The following CIT variants were observed in gnomAD, a reference collection of about 807,000 sequenced individuals.
CIT encodes the protein citron Rho-interacting kinase.
In CIT, 79 loss-of-function variants were observed where a neutral mutation model predicts 272.7. The observed-to-expected ratio is 0.29, with a 90% CI of 0.24 to 0.35. CIT has a LOEUF of 0.35. Ranked by LOEUF, CIT falls within the 10% of genes least tolerant of loss-of-function variation. CIT has a pLI of 1.00. For synonymous variants in CIT, 948 were observed against 995.6 expected (o/e 0.95, Z 0.90); for missense variants, 1,909 against 2,618.3 (o/e 0.73, Z 5.91).
At chr12:119,862,522 G>C (rs1950371729) in intron 3 of CIT, among the ~76,000 whole-genome samples, 1 of 151,804 alleles carries the variant, frequency 6.6e-6, no homozygotes, top group African/African-American at 2.4e-5. Context: ...ATACTATTAA[G>C]AGGTAGGACT....
At chr12:119,856,122 C>G (rs1225465012) in intron 4 of CIT, among the ~76,000 whole-genome samples, 2 of 152,198 alleles carry the variant, frequency 1.3e-5, no homozygotes, top group African/African-American at 4.8e-5. Context: ...CAGCTTCCTG[C>G]CCTCCGCTGC....
chr12:119,727,838 G>A (rs759595316), intron 28 of CIT, among the ~76,000 whole-genome samples: 36 of 151,930 alleles, frequency 2.4e-4, no homozygotes, highest in Non-Finnish European at 3.7e-4. Context: ...GCTGAGGTGG[G>A]AGGATGACCT....
chr12:119,802,662 A>C (rs1208665637), intron 10 of CIT, among the ~76,000 whole-genome samples: 1 of 152,126 alleles, frequency 6.6e-6, no homozygotes, highest in Non-Finnish European at 1.5e-5. Flanking sequence ...CTGATCTTGC[A>C]GCATACTTGG....
chr12:119,784,752 T>C lies in CIT; in HGVS notation c.1401+208A>G, dbSNP rs1964612187. The C allele has an allele frequency of 7.9e-5, 111 of 1,401,862 alleles. No individual in the cohort carries two copies. Among genetic ancestry groups the C allele is most frequent in the Non-Finnish European group, 1.0e-4 (110 of 1,081,702 alleles). 86.8% of individuals were successfully genotyped at this position (1,401,862 alleles called of 1,614,324 possible). On this transcript the variant is annotated intron_variant, in intron 11 of 47. Transcript: ENST00000392521. This position sits in a 1 kb window ranked among gnomAD's most constrained non-coding sequence, Gnocchi z 4.7. ...TGTTTAAATCCAGGGCCTCCTCTGG[T>C]TTAGATTTAAAGGATTTACAGCAAC...
rs987539514 is a variant in CIT at position 119,690,033 on chromosome 12, T to G, written c.6186+118A>C. 1 of 986,344 alleles carries G rather than the reference T, an allele frequency of 1.0e-6. No individual in the cohort carries two copies. The allele number at this position is 986,344 out of a possible 1,614,324, so 61.1% of individuals were successfully genotyped here. A position where few individuals can be genotyped will look rare whatever the true frequency, so the allele number is the denominator to read the frequency against. ...TCCTAAATTCCTGTGTCTCGCAAAG[T>G]CTGAATTACAGTCATGGAGTTCCTT... On this transcript the variant is annotated intron_variant, in intron 47 of 47. Transcript: ENST00000392521. The surrounding 1 kb of genome is among the most constrained non-coding windows in gnomAD (Gnocchi z 6.0).
At chr12:119,783,747 C>G (rs1462379963) in intron 12 of CIT, 161 bp downstream of exon 12, 3 of 841,016 alleles carry the variant, frequency 3.6e-6, no homozygotes, top group Middle Eastern at 3.9e-4. Context: ...ACGCCTGGCT[C>G]TCACTACTCT....
intron 20 of CIT, among the ~76,000 whole-genome samples, chr12:119,760,528 G>T (rs945615267): frequency 9.2e-5 from 14 of 151,950 alleles, no homozygotes; most frequent in Non-Finnish European, 1.8e-4. Flanking sequence ...TTGGGAGGCT[G>T]AGGTGGAAGG....
intron 26 of CIT, among the ~76,000 whole-genome samples, chr12:119,733,552 A>G (rs547375825): frequency 6.6e-6 from 1 of 151,438 alleles, no homozygotes; most frequent in African/African-American, 2.4e-5. Flanking sequence ...AACAAAAAAA[A>G]CCCACTAAAC....
chr12:119,734,096 T>C, intron 26 of CIT, 68 bp downstream of exon 26: 1 of 1,514,142 alleles, frequency 6.6e-7, no homozygotes, highest in Non-Finnish European at 9.0e-7. Flanking sequence ...GATCACCCTG[T>C]CCACAACTCT....
intron 2 of CIT, among the ~76,000 whole-genome samples, chr12:119,875,079 G>A (rs911217804): frequency 3.3e-5 from 5 of 152,182 alleles, no homozygotes; most frequent in African/African-American, 1.2e-4. Flanking sequence ...GTGACAAGTA[G>A]ATCACTTGAG....
rs1022077527 is a variant in CIT at position 119,749,893 on chromosome 12, C to T, written c.2904+2157G>A. 8.5e-5 allele frequency among the ~76,000 whole-genome samples: 13 copies of T among 152,200 alleles called. 1 individual carries two copies. The highest frequency in any genetic ancestry group is 8.5e-4 in the Admixed American group (13 of 15,274). ...TCCCCATAGATAAAGAGCAGTGACACGTGCTCTATTTTATGCCCTCTTCCT... is the reference window on the plus strand; with the variant it reads ...TCCCCATAGATAAAGAGCAGTGACATGTGCTCTATTTTATGCCCTCTTCCT... On this transcript the variant is annotated intron_variant, in intron 23 of 47. Transcript: ENST00000392521.
intron 9 of CIT, among the ~76,000 whole-genome samples, chr12:119,815,790 T>C (rs897575625): frequency 1.3e-5 from 2 of 152,084 alleles, no homozygotes; most frequent in Admixed American, 6.5e-5. Context: ...TATAGGAGCA[T>C]AGAATATTCT....
At chr12:119,739,164 A>T (rs1166341801) in intron 24 of CIT, among the ~76,000 whole-genome samples, 1 of 152,212 alleles carries the variant, frequency 6.6e-6, no homozygotes, top group Non-Finnish European at 1.5e-5. Context: ...AGCTATTTGC[A>T]TATTATTTAT....
intron 2 of CIT, 60 bp downstream of exon 2, chr12:119,876,013 G>A (rs891925486): frequency 9.9e-7 from 1 of 1,014,838 alleles, no homozygotes; most frequent in Non-Finnish European, 1.5e-6. Flanking sequence ...GCAAAGGTGA[G>A]TGACAAGGAG....
At chr12:119,842,720 C>G (rs1969493665) in intron 5 of CIT, among the ~76,000 whole-genome samples, 1 of 152,160 alleles carries the variant, frequency 6.6e-6, no homozygotes, top group African/African-American at 2.4e-5. Flanking sequence ...CAAAAGAACT[C>G]AAGTTCAATT....
chr12:119,780,655 G>A (rs1321208545), intron 13 of CIT, among the ~76,000 whole-genome samples: 1 of 152,144 alleles, frequency 6.6e-6, no homozygotes, highest in Non-Finnish European at 1.5e-5. Flanking sequence ...AGATTTTTAA[G>A]AGAAAGATCA....
chr12:119,738,694 A>C (rs1285373799), intron 24 of CIT, among the ~76,000 whole-genome samples: 1 of 151,926 alleles, frequency 6.6e-6, no homozygotes, highest in Non-Finnish European at 1.5e-5. Context: ...GACCAGCCTG[A>C]CCAACATGGA....
intron 13 of CIT, 70 bp from the exon 14 acceptor site, chr12:119,776,912 G>T (rs1426007460): frequency 2.0e-6 from 3 of 1,507,972 alleles, no homozygotes; most frequent in Middle Eastern, 2.2e-4. Context: ...AGTGAGGATG[G>T]AAGAGTATTA....
chr12:119,814,885 A>C (rs1300083031), intron 9 of CIT, among the ~76,000 whole-genome samples: 4 of 151,958 alleles, frequency 2.6e-5, no homozygotes, highest in Admixed American at 2.6e-4. Flanking sequence ...AAAATACAAA[A>C]AAATTAGCCA....
Sources: gnomAD v4.1 joint callset for allele counts (sites outside exome capture counted in the v4.1 genomes callset) on GRCh38, gnomAD v4.1.1 for gene constraint, Gnocchi (gnomAD v3.1) non-coding constraint, MANE v1.5 for transcripts, NCBI Gene and HGNC (gene_info 2026-07-23, HGNC 2026-07-21) for gene names.